ERBIN: variants seen among roughly 807,000 people sequenced by gnomAD.
ERBIN encodes densin-180-like protein.
In ERBIN, 60 loss-of-function variants were observed where a neutral mutation model predicts 158.4. The ratio of observed to expected loss-of-function variants is 0.38; its 90% CI spans 0.31 to 0.47. ERBIN has a LOEUF of 0.47. ERBIN is among the 20% of genes least tolerant of loss of function. ERBIN has a pLI of 0.99. For synonymous variants in ERBIN, 594 were observed against 557.2 expected (o/e 1.07, Z -0.93); for missense variants, 1,610 against 1,648.0 (o/e 0.98, Z 0.40).
chr5:65,970,569 C>CT (rs35265647), intron 1 of ERBIN, among the ~76,000 whole-genome samples: 1,761 of 152,224 alleles, frequency 0.012, 18 homozygotes, highest in Non-Finnish European at 0.018. Context: ...ATTTGGTCTC[C>CT]TTTTTCCCCA....
At chr5:66,025,581 C>A (rs576330562) in intron 11 of ERBIN, 29 bp downstream of exon 11, 1 of 1,506,830 alleles carries the variant, frequency 6.6e-7, no homozygotes, top group Non-Finnish European at 9.2e-7. Context: ...TATACACCCT[C>A]GAAGATTTTA....
At position 66,081,582 on chromosome 5, in the gene ERBIN, T is replaced by G. The variant is rs959539151; in HGVS notation, c.*3052T>G. On this transcript the variant is annotated 3_prime_UTR_variant, in exon 26 of 26. Coordinates refer to ENST00000284037, the MANE Select transcript of ERBIN (RefSeq NM_001253697.2). ...ACTGGTTTATTTACAAAATTCGGGG[T>G]TAGAGAAATTCTCATGAAAAATATA... 1 of 152,104 alleles carries G rather than the reference T, an allele frequency of 6.6e-6. No homozygotes were observed. The highest frequency in any genetic ancestry group is 1.5e-5 in the Non-Finnish European group (1 of 67,972). 9.4% of individuals were successfully genotyped at this position (152,104 alleles called of 1,614,324 possible).
intron 23 of ERBIN, chr5:66,076,031 T>C: frequency 3.0e-6 from 1 of 335,922 alleles, no homozygotes; most frequent in South Asian, 4.2e-5. Context: ...CTGTGACGTC[T>C]AAAAAGTAAA....
chr5:65,992,784 G>T lies in ERBIN; in HGVS notation c.66G>T (p.Glu22Asp). The T allele has an allele frequency of 6.2e-7, 1 of 1,613,756 alleles. No individual in the cohort carries two copies. Among genetic ancestry groups the T allele is most frequent in the Non-Finnish European group, 8.5e-7 (1 of 1,179,830 alleles). The change falls in exon 3 of 26, where the codon GAG (glutamate) becomes GAT (aspartate). Residue 22 changes from glutamate (E) to aspartate (D), a missense_variant. This residue lies in a region of ERBIN where 596 missense variants were observed against 711.9 expected (regional missense o/e 0.84). Transcript: ENST00000284037. ...GTCGCTGTCTACGAGGGGAAGAGGA[G>T]ACTGTCACTACTCTTGATTATTCTC... ...VPCRCLRGEEETVTTLDYSHC... is the reference protein window; with the variant it reads ...VPCRCLRGEEDTVTTLDYSHC...
chr5:66,060,300 C>A (rs997534905), intron 21 of ERBIN, among the ~76,000 whole-genome samples: 1 of 152,202 alleles, frequency 6.6e-6, no homozygotes, highest in Non-Finnish European at 1.5e-5. Context: ...TTATCCATTT[C>A]TTCTAGATTT....
chr5:66,054,888 T>A lies in ERBIN; in HGVS notation c.3570T>A (p.Ser1190Arg). 2 of 1,613,950 alleles carry A rather than the reference T, an allele frequency of 1.2e-6. No individual in the cohort carries two copies. Among genetic ancestry groups the A allele is most frequent in the Non-Finnish European group, 1.7e-6 (2 of 1,179,938 alleles). The change falls in exon 21 of 26, where the codon AGT becomes AGA. Residue 1190 changes from serine (S) to arginine (R), a missense_variant. Ser to Arg is a moderately radical substitution (Grantham distance 110). Transcript: ENST00000284037. ...CTTTATTAGATCCTCCAGGAAAAAG[T>A]AAAGTTCCTCGTGACTGGAGAGAAC... ...EHSLLDPPGK[S>R]KVPRDWREQV... is the part of the protein sequence containing the mutation.
At chr5:65,982,850 C>G (rs1184350321) in intron 1 of ERBIN, among the ~76,000 whole-genome samples, 1 of 152,168 alleles carries the variant, frequency 6.6e-6, no homozygotes, top group Non-Finnish European at 1.5e-5. Flanking sequence ...AGCATGTGTT[C>G]TTATAACGCT....
chr5:65,945,966 G>A (rs1477678305), intron 1 of ERBIN, among the ~76,000 whole-genome samples: 1 of 152,102 alleles, frequency 6.6e-6, no homozygotes, highest in Non-Finnish European at 1.5e-5. Context: ...TCATCCCAAG[G>A]ATCACCTGTT....
At chr5:66,007,821 T>C (rs1459313755) in intron 4 of ERBIN, among the ~76,000 whole-genome samples, 2 of 152,316 alleles carry the variant, frequency 1.3e-5, no homozygotes, top group Non-Finnish European at 1.5e-5. Flanking sequence ...GTTTGAGGCA[T>C]GTGAACAAAA....
chr5:66,020,685 T>C (rs1327787275), intron 7 of ERBIN, among the ~76,000 whole-genome samples: 1 of 152,016 alleles, frequency 6.6e-6, no homozygotes, highest in African/African-American at 2.4e-5. Flanking sequence ...CAAACTGGTT[T>C]GTACATCTTT....
intron 16 of ERBIN, 32 bp from the exon 17 acceptor site, chr5:66,044,105 T>C: frequency 6.9e-7 from 1 of 1,445,228 alleles, no homozygotes; most frequent in Non-Finnish European, 9.3e-7. Flanking sequence ...GAAATATTTG[T>C]ACTTCATATT....
At chr5:66,064,932 T>C (rs961449743) in intron 21 of ERBIN, among the ~76,000 whole-genome samples, 2 of 152,184 alleles carry the variant, frequency 1.3e-5, no homozygotes, top group Non-Finnish European at 2.9e-5. Flanking sequence ...ACTCCTGGCC[T>C]CAAGCAATCC....
At chr5:66,009,460 G>A (rs76969567) in intron 4 of ERBIN, among the ~76,000 whole-genome samples, 316 of 152,294 alleles carry the variant, frequency 2.1e-3, no homozygotes, top group African/African-American at 7.2e-3. Flanking sequence ...TTAAAGTGGA[G>A]AATTGAGTCA....
chr5:66,025,607 G>A (rs1318107775), intron 11 of ERBIN, 55 bp downstream of exon 11: 1 of 1,304,536 alleles, frequency 7.7e-7, no homozygotes, highest in East Asian at 2.3e-5. Flanking sequence ...AGTTCAGCAT[G>A]CCATACATAT....
intron 4 of ERBIN, among the ~76,000 whole-genome samples, chr5:65,999,934 T>C (rs72770209): frequency 0.073 from 11,127 of 152,264 alleles, 598 homozygotes; most frequent in Non-Finnish European, 0.1. Flanking sequence ...AGAATTATTG[T>C]CACTTTAGTT....
chr5:66,056,590 C>G (rs577109329), intron 21 of ERBIN, among the ~76,000 whole-genome samples: 2 of 151,556 alleles, frequency 1.3e-5, no homozygotes, highest in Non-Finnish European at 2.9e-5. Context: ...ATTCACGGTA[C>G]GGGTTCTTGA....
intron 6 of ERBIN, 130 bp downstream of exon 6, chr5:66,013,768 A>T: frequency 3.5e-6 from 2 of 569,552 alleles, no homozygotes. Context: ...AAGCATTGTG[A>T]CTTTTATACT....
intron 1 of ERBIN, among the ~76,000 whole-genome samples, chr5:65,929,450 G>C (rs1437270557): frequency 6.6e-6 from 1 of 152,088 alleles, no homozygotes; most frequent in African/African-American, 2.4e-5. Context: ...CTGGGTAGCA[G>C]TTTCTTTTTT....
chr5:66,072,208 GA>G lies in ERBIN; in HGVS notation c.3674del (p.Asp1225ValfsTer26). On this transcript the variant is annotated frameshift_variant, in exon 22 of 26. Transcript: ENST00000284037. LOFTEE classifies it high-confidence loss of function. ...ATCCAGTTCAGGAGATCCTTGTCAA[GA>G]TGGTATATTCATTTCAGGACAGCAG... is the stretch of plus-strand genomic sequence containing the variant. ...QTSSSGDPCQ[D>X]GIFISGQQNY... is the part of the protein sequence containing the mutation. 1.3e-6 allele frequency: 2 copies of G among 1,550,286 alleles called. No homozygotes were observed. The highest frequency in any genetic ancestry group is 1.7e-6 in the Non-Finnish European group (2 of 1,146,834).
Sources: gnomAD v4.1 joint callset for allele counts (sites outside exome capture counted in the v4.1 genomes callset) on GRCh38, gnomAD v4.1.1 for gene constraint, gnomAD v4.1.1 regional missense constraint, MANE v1.5 for transcripts, NCBI Gene and HGNC (gene_info 2026-07-23, HGNC 2026-07-21) for gene names.